The following FAM171B variants were observed in gnomAD, a reference collection of about 807,000 sequenced individuals.
FAM171B encodes protein FAM171B.
FAM171B carries 19 observed loss-of-function variants against 75.6 expected under a neutral mutation model. That is an observed-to-expected ratio of 0.25 (90% CI 0.18 to 0.37). The LOEUF is 0.37. Among genes scored for constraint, FAM171B ranks in the 10% least tolerant of loss-of-function variants. The pLI is 1.00. For synonymous variants in FAM171B, 367 were observed against 361.7 expected (o/e 1.01, Z -0.17); for missense variants, 848 against 982.4 (o/e 0.86, Z 1.83).
chr2:186,747,475 A>T (rs537477471), intron 4 of FAM171B, among the ~76,000 whole-genome samples: 1 of 152,286 alleles, frequency 6.6e-6, no homozygotes, highest in East Asian at 1.9e-4. Flanking sequence ...TTTCAAATGC[A>T]TGGAAATTTT....
At chr2:186,715,857 G>T (rs994389066) in intron 1 of FAM171B, among the ~76,000 whole-genome samples, 2 of 152,122 alleles carry the variant, frequency 1.3e-5, no homozygotes, top group African/African-American at 4.8e-5. Flanking sequence ...GCATAGTAAT[G>T]AATTCTTCCA....
At chr2:186,698,979 A>G (rs1385790548) in intron 1 of FAM171B, among the ~76,000 whole-genome samples, 1 of 152,180 alleles carries the variant, frequency 6.6e-6, no homozygotes, top group Non-Finnish European at 1.5e-5. Context: ...TAATGGTTGA[A>G]TAGTACTCCA....
At position 186,762,325 on chromosome 2, in the gene FAM171B, G is replaced by A; in HGVS notation, c.1983G>A (p.Leu661=). The A allele has an allele frequency of 6.2e-7, 1 of 1,613,702 alleles. No homozygotes were observed. The stretch of plus-strand genomic sequence containing the variant: ...TTTCAGAACAGACCCTCCTGGAGCT[G>A]TCCAAAGGAAAGCCCTCCCCGCATC... ...QGISEQTLLE[L]SKGKPSPHPR... Residue 661 remains leucine (L), a synonymous_variant, in exon 8 of 8, where the codon CTG becomes CTA. Transcript: ENST00000304698. This position sits in a 1 kb window ranked among gnomAD's most constrained non-coding sequence, Gnocchi z 4.0.
At chr2:186,720,316 A>ACCTCCCAAAGTGCTGGGATTACAGG (rs1689933643) in intron 1 of FAM171B, among the ~76,000 whole-genome samples, 1 of 152,144 alleles carries the variant, frequency 6.6e-6, no homozygotes, top group Non-Finnish European at 1.5e-5. Flanking sequence ...GGGATTACAG[A>ACCTCCCAAAGTGCTGGGATTACAGG]CGTGAGCCAC....
chr2:186,721,060 A>G (rs1689946481), intron 1 of FAM171B, among the ~76,000 whole-genome samples: 1 of 152,224 alleles, frequency 6.6e-6, no homozygotes, highest in Non-Finnish European at 1.5e-5. Context: ...AAACAGAACA[A>G]TTAAATATGA....
intron 1 of FAM171B, among the ~76,000 whole-genome samples, chr2:186,721,055 G>A (rs1354400571): frequency 6.6e-6 from 1 of 152,122 alleles, no homozygotes; most frequent in Admixed American, 6.5e-5. Flanking sequence ...AAGAGAAACA[G>A]AACAATTAAA....
At chr2:186,751,048 A>G in intron 4 of FAM171B, 86 bp from the exon 5 acceptor site, 1 of 982,256 alleles carries the variant, frequency 1.0e-6, no homozygotes, top group Non-Finnish European at 1.5e-6. Context: ...GGTGAAATAG[A>G]GGAACTATTT....
At chr2:186,729,885 T>A (rs1690088671) in intron 1 of FAM171B, among the ~76,000 whole-genome samples, 1 of 152,202 alleles carries the variant, frequency 6.6e-6, no homozygotes, top group African/African-American at 2.4e-5. Context: ...GGACTTGGTG[T>A]CAGAGGGACT....
At chr2:186,702,537 A>AT (rs933672140) in intron 1 of FAM171B, among the ~76,000 whole-genome samples, 2 of 151,768 alleles carry the variant, frequency 1.3e-5, no homozygotes, top group Non-Finnish European at 2.9e-5. Context: ...GTGCCATTTA[A>AT]TTTTTTTTCT....
rs577270114 is a variant in FAM171B, at chr2:186,709,307, G to A, written c.238+14896G>A. On this transcript the variant is annotated intron_variant, in intron 1 of 7. Transcript: ENST00000304698. ...TCCAAACTTCATCCAGTAGTCTCTAGAATTTTACATTTTATTTCCTATTTT... is the reference window on the plus strand; with the variant it reads ...TCCAAACTTCATCCAGTAGTCTCTAAAATTTTACATTTTATTTCCTATTTT... Among the ~76,000 whole-genome samples, 5 of 152,198 alleles carry A rather than the reference G, an allele frequency of 3.3e-5. No homozygotes were observed. In the South Asian group the frequency reaches 1.0e-3, roughly 32 times the overall value.
At chr2:186,745,086 T>C (rs1302035594) in intron 3 of FAM171B, among the ~76,000 whole-genome samples, 1 of 152,218 alleles carries the variant, frequency 6.6e-6, no homozygotes, top group East Asian at 1.9e-4. Context: ...CATCTCAGCC[T>C]CCCAAAGTGC....
chr2:186,721,790 C>T (rs1397607417), intron 1 of FAM171B, among the ~76,000 whole-genome samples: 1 of 151,356 alleles, frequency 6.6e-6, no homozygotes, highest in Non-Finnish European at 1.5e-5. Flanking sequence ...TAAGACTGCA[C>T]AAAACAAAGG....
chr2:186,719,074 C>A (rs915608906), intron 1 of FAM171B, among the ~76,000 whole-genome samples: 8 of 152,112 alleles, frequency 5.3e-5, no homozygotes, highest in Non-Finnish European at 1.2e-4. Context: ...GGTCAGTATT[C>A]CTTTCAGATG....
At chr2:186,743,866 T>A (rs374624191) in intron 3 of FAM171B, among the ~76,000 whole-genome samples, 4 of 152,298 alleles carry the variant, frequency 2.6e-5, no homozygotes, top group South Asian at 4.1e-4. Flanking sequence ...GGGGCTTCCA[T>A]GGTGGGAGAA....
chr2:186,741,125 A>C (rs1690283171), intron 2 of FAM171B, among the ~76,000 whole-genome samples: 1 of 152,140 alleles, frequency 6.6e-6, no homozygotes, highest in Non-Finnish European at 1.5e-5. Context: ...GTTATCTATG[A>C]TAAGATGCCA....
chr2:186,708,758 A>C (rs1417532882), intron 1 of FAM171B, among the ~76,000 whole-genome samples: 1 of 152,232 alleles, frequency 6.6e-6, no homozygotes, highest in East Asian at 1.9e-4. Context: ...GCAGCACTTA[A>C]ATTACAGATT....
At chr2:186,701,836 G>C (rs1007909825) in intron 1 of FAM171B, among the ~76,000 whole-genome samples, 4 of 152,160 alleles carry the variant, frequency 2.6e-5, no homozygotes, top group African/African-American at 7.2e-5. Context: ...CTGAAACAAA[G>C]CTCTTCCCCC....
chr2:186,694,421 G>A lies in FAM171B; in HGVS notation c.238+10G>A. The stretch of plus-strand genomic sequence containing the variant: ...ACCTTGACGGTTCCAGGTAGGTCCT[G>A]GCTGCCCAGCCCGGTCTTTCAGTCT... On this transcript the variant is annotated intron_variant, in intron 1 of 7. Transcript: ENST00000304698. 1 of 1,606,478 alleles carries A rather than the reference G, an allele frequency of 6.2e-7. No homozygotes were observed. The highest frequency in any genetic ancestry group is 8.5e-7 in the Non-Finnish European group (1 of 1,175,462).
At chr2:186,747,271 AAT>A (rs1195488902) in intron 4 of FAM171B, 21 bp downstream of exon 4, 27 of 1,507,152 alleles carry the variant, frequency 1.8e-5, no homozygotes, top group Non-Finnish European at 2.4e-5. Flanking sequence ...CTTTTTGTAT[AAT>A]ATAGTTATAA....
Sources: gnomAD v4.1 joint callset for allele counts (sites outside exome capture counted in the v4.1 genomes callset) on GRCh38, gnomAD v4.1.1 for gene constraint, Gnocchi (gnomAD v3.1) non-coding constraint, MANE v1.5 for transcripts, NCBI Gene and HGNC (gene_info 2026-07-23, HGNC 2026-07-21) for gene names.